DCC: variants seen among roughly 807,000 people sequenced by gnomAD.
The protein encoded by DCC is DCC netrin 1 receptor.
In DCC, 58 loss-of-function variants were observed where a neutral mutation model predicts 172.5. The ratio of observed to expected loss-of-function variants is 0.34; its 90% CI spans 0.27 to 0.42. DCC has a LOEUF of 0.42. Among genes scored for constraint, DCC ranks in the 10% least tolerant of loss-of-function variants. DCC has a pLI of 1.00. For synonymous variants in DCC, 709 were observed against 644.5 expected (o/e 1.10, Z -1.52); for missense variants, 1,740 against 1,791.0 (o/e 0.97, Z 0.51).
At chr18:53,290,784 G>C (rs1227609821) in intron 12 of DCC, among the ~76,000 whole-genome samples, 6 of 152,128 alleles carry the variant, frequency 3.9e-5, no homozygotes, top group Non-Finnish European at 1.5e-5. Context: ...GTTCTGTACA[G>C]GAAGAAGTTG....
intron 1 of DCC, among the ~76,000 whole-genome samples, chr18:52,570,350 T>C (rs968307511): frequency 2.6e-5 from 4 of 152,136 alleles, no homozygotes; most frequent in Non-Finnish European, 5.9e-5. Flanking sequence ...ATAGAAATAT[T>C]TAGATACAGG....
chr18:52,865,484 C>A (rs1046717278), intron 2 of DCC, among the ~76,000 whole-genome samples: 6 of 152,156 alleles, frequency 3.9e-5, no homozygotes, highest in African/African-American at 1.2e-4. Flanking sequence ...TACTTTTCCA[C>A]ATCCTCTCCA....
At chr18:52,793,611 G>A (rs2037817141) in intron 2 of DCC, among the ~76,000 whole-genome samples, 1 of 151,966 alleles carries the variant, frequency 6.6e-6, no homozygotes, top group South Asian at 2.1e-4. Flanking sequence ...TCTGTTGATT[G>A]CTTCCTTTGG....
chr18:52,787,980 C>A (rs757458523), intron 2 of DCC, among the ~76,000 whole-genome samples: 1 of 152,122 alleles, frequency 6.6e-6, no homozygotes, highest in Non-Finnish European at 1.5e-5. Flanking sequence ...GAAATCTGTA[C>A]AAGCCTTTTA....
chr18:52,689,998 A>C (rs2145009140), intron 1 of DCC, among the ~76,000 whole-genome samples: 1 of 152,270 alleles, frequency 6.6e-6, no homozygotes, highest in African/African-American at 2.4e-5. Context: ...ATTAAAGATA[A>C]ATGTGACATA....
At chr18:53,296,592 A>C (rs1381021936) in intron 12 of DCC, among the ~76,000 whole-genome samples, 1 of 152,152 alleles carries the variant, frequency 6.6e-6, no homozygotes, top group Non-Finnish European at 1.5e-5. Flanking sequence ...CTATGGCAAT[A>C]TTCTGGGCAA....
At chr18:52,347,883 T>C (rs948373860) in intron 1 of DCC, among the ~76,000 whole-genome samples, 16 of 152,162 alleles carry the variant, frequency 1.1e-4, no homozygotes, top group Non-Finnish European at 5.9e-5. Context: ...ATACATATAG[T>C]GTTTGGTATA....
chr18:53,366,005 T>C (rs2058001050), intron 15 of DCC, among the ~76,000 whole-genome samples: 1 of 152,224 alleles, frequency 6.6e-6, no homozygotes, highest in African/African-American at 2.4e-5. Flanking sequence ...TAGATTTGGG[T>C]TGAATCCTTA....
intron 1 of DCC, among the ~76,000 whole-genome samples, chr18:52,452,939 G>C (rs1988350035): frequency 6.6e-6 from 1 of 152,190 alleles, no homozygotes; most frequent in African/African-American, 2.4e-5. Flanking sequence ...TTAATGACAA[G>C]ACTAGATATA....
chr18:53,212,471 G>C (rs529747310), intron 11 of DCC, among the ~76,000 whole-genome samples: 1 of 152,130 alleles, frequency 6.6e-6, no homozygotes, highest in Non-Finnish European at 1.5e-5. Context: ...GAGAAGGAGG[G>C]AGTAGGAACT....
At chr18:52,856,639 A>AAAAAAAG (rs1341407070) in intron 2 of DCC, among the ~76,000 whole-genome samples, 2 of 150,358 alleles carry the variant, frequency 1.3e-5, no homozygotes, top group Admixed American at 6.6e-5. Flanking sequence ...AAAAAAAAAA[A>AAAAAAAG]AAAAGAAAAC....
intron 1 of DCC, among the ~76,000 whole-genome samples, chr18:52,518,803 C>G (rs1477590666): frequency 6.6e-6 from 1 of 152,144 alleles, no homozygotes; most frequent in Non-Finnish European, 1.5e-5. Context: ...AATGACTGGA[C>G]CCCTATGGTG....
chr18:52,550,972 A>G (rs1384668177), intron 1 of DCC, among the ~76,000 whole-genome samples: 1 of 152,044 alleles, frequency 6.6e-6, no homozygotes, highest in African/African-American at 2.4e-5. Context: ...AATGCTAATG[A>G]TAACCTGGAA....
At position 52,925,236 on chromosome 18, in the gene DCC, C is replaced by G. The variant is rs1458677597; in HGVS notation, c.851C>G (p.Ser284Cys). Reference sequence around the variant, plus strand: ...TGCACCTTCCCTATGTCTTGCAGGTCTAAAAAGTATTCTTTATTGGGTGGA... The same window carrying G: ...TGCACCTTCCCTATGTCTTGCAGGTGTAAAAAGTATTCTTTATTGGGTGGA... Reference protein sequence around the residue: ...LRGEEVIQLRSKKYSLLGGSN... With the variant: ...LRGEEVIQLRCKKYSLLGGSN... Residue 284 changes from serine (S) to cysteine (C), a missense_variant and splice_region_variant, in exon 5 of 29, where the codon TCT becomes TGT. Ser to Cys is a moderately radical substitution (Grantham distance 112). Transcript: ENST00000442544. 3 of 1,611,974 alleles carry G rather than the reference C, an allele frequency of 1.9e-6. No homozygotes were observed. Among genetic ancestry groups the G allele is most frequent in the Non-Finnish European group, 2.5e-6 (3 of 1,178,438 alleles).
chr18:52,733,182 T>A (rs776867898), intron 1 of DCC, among the ~76,000 whole-genome samples: 10 of 152,122 alleles, frequency 6.6e-5, no homozygotes, highest in Non-Finnish European at 1.2e-4. Context: ...GGAGAAGGGT[T>A]CTCTCCTGTG....
chr18:53,340,239 T>C (rs2057642527), intron 15 of DCC, among the ~76,000 whole-genome samples: 1 of 152,190 alleles, frequency 6.6e-6, no homozygotes, highest in African/African-American at 2.4e-5. Context: ...CAGTGGTCAA[T>C]GGAAACTTCT....
rs2037077733 is a variant in DCC, at chr18:52,756,457, T to G, written c.412+4083T>G. Among the ~76,000 whole-genome samples the G allele has an allele frequency of 4.6e-5, 7 of 152,308 alleles. No homozygotes were observed. In the South Asian group the frequency reaches 1.4e-3, roughly 32 times the overall value. On this transcript the variant is annotated intron_variant, in intron 2 of 28. Coordinates refer to ENST00000442544, the MANE Select transcript of DCC (RefSeq NM_005215.4). ...TACTCCTCCTCCTTCTTCACTGGAT[T>G]TCAGCAGATCAAACTCACCCATATA...
At chr18:52,496,281 C>T (rs2144614926) in intron 1 of DCC, among the ~76,000 whole-genome samples, 1 of 152,122 alleles carries the variant, frequency 6.6e-6, no homozygotes, top group Non-Finnish European at 1.5e-5. Context: ...CTGCAGTTAG[C>T]AATCAAGAGT....
At chr18:52,813,062 G>C (rs9964103) in intron 2 of DCC, among the ~76,000 whole-genome samples, 5 of 152,122 alleles carry the variant, frequency 3.3e-5, no homozygotes, top group Non-Finnish European at 7.4e-5. Context: ...ATGGGCTTAA[G>C]ATAGCTATGT....
Sources: gnomAD v4.1 joint callset for allele counts (sites outside exome capture counted in the v4.1 genomes callset) on GRCh38, gnomAD v4.1.1 for gene constraint, MANE v1.5 for transcripts, NCBI Gene and HGNC (gene_info 2026-07-23, HGNC 2026-07-21) for gene names.